Variants in C4orf50 observed in about 807,000 individuals in gnomAD.
C4orf50 encodes the protein uncharacterized protein C4orf50.
A neutral mutation model predicts 77.2 loss-of-function variants in C4orf50; 80 were observed. The observed-to-expected ratio is 1.04, with a 90% CI of 0.87 to 1.25. The LOEUF is 1.25. Ranked by LOEUF, C4orf50 falls within the 50% of genes most tolerant of loss-of-function variation. The probability of loss-of-function intolerance (pLI) is 0.00; values close to 1 mark genes in which losing one functional copy is unlikely to be tolerated. For missense variants in C4orf50, 1,257 were observed against 1,152.9 expected (o/e 1.09, Z -1.31); for synonymous variants, 532 against 465.3 (o/e 1.14, Z -1.84).
At chr4:5,984,141 A>G (rs1371458534) in intron 28 of C4orf50, among the ~76,000 whole-genome samples, 1 of 152,270 alleles carries the variant, frequency 6.6e-6, no homozygotes, top group Non-Finnish European at 1.5e-5. Flanking sequence ...GTCTGAGGGC[A>G]AAACTTAAAT....
intron 7 of C4orf50, among the ~76,000 whole-genome samples, chr4:5,946,802 T>A (rs188924609): frequency 3.3e-5 from 5 of 152,272 alleles, no homozygotes; most frequent in Non-Finnish European, 7.3e-5. Context: ...CCCTCCTTTG[T>A]TCGGATGTGC....
At chr4:5,910,907 C>CTTTTTTTT (rs33913636) in intron 7 of C4orf50, among the ~76,000 whole-genome samples, 6 of 106,566 alleles carry the variant, frequency 5.6e-5, no homozygotes, top group Admixed American at 1.2e-4. Context: ...CCCTTTCTTT[C>CTTTTTTTT]TTTTTTTTTT....
chr4:5,996,229 C>T (rs559947896), intron 25 of C4orf50, among the ~76,000 whole-genome samples: 1 of 152,320 alleles, frequency 6.6e-6, no homozygotes, highest in East Asian at 1.9e-4. Flanking sequence ...TGACACCTGG[C>T]TGTCACATCC....
exon 28 of C4orf50, chr4:5,989,868 T>C: frequency 6.9e-7 from 1 of 1,450,052 alleles, no homozygotes; most frequent in Non-Finnish European, 9.1e-7. Flanking sequence ...CCTCTTCCTC[T>C]AGCCCTTTGT....
At chr4:5,977,421 G>T (rs537279260) in intron 29 of C4orf50, among the ~76,000 whole-genome samples, 1 of 152,294 alleles carries the variant, frequency 6.6e-6, no homozygotes, top group South Asian at 2.1e-4. Context: ...AAAAGGTCTT[G>T]CATCTTGCTT....
chr4:5,990,138 C>A (rs1177438728), exon 28 of C4orf50: 2 of 1,267,070 alleles, frequency 1.6e-6, no homozygotes, highest in East Asian at 2.9e-5. Context: ...CGGGACCCTC[C>A]TTTGATACTG....
intron 30 of C4orf50, among the ~76,000 whole-genome samples, chr4:5,974,614 C>T (rs1327900107): frequency 6.6e-6 from 1 of 152,094 alleles, no homozygotes; most frequent in African/African-American, 2.4e-5. Context: ...CTGCTGATGC[C>T]CAGCCCAGGG....
rs557197984 is a variant in C4orf50, at chr4:5,973,378, A to G, written c.4104+281T>C. 2.7e-3 allele frequency among the ~76,000 whole-genome samples: 404 copies of G among 152,364 alleles called. 3 individuals carry two copies. Among genetic ancestry groups the G allele is most frequent in the African/African-American group, 9.2e-3 (382 of 41,598 alleles). Reference sequence around the variant, plus strand: ...AGACCCATCCTGTGACACACACCCAATGAAGCTTGTATGACGCTGAATTAC... The same window carrying G: ...AGACCCATCCTGTGACACACACCCAGTGAAGCTTGTATGACGCTGAATTAC... On this transcript the variant is annotated intron_variant, in intron 31 of 33. Coordinates refer to ENST00000531445, the Ensembl canonical transcript of C4orf50.
At chr4:5,943,490 C>T (rs543987772) in intron 7 of C4orf50, among the ~76,000 whole-genome samples, 38 of 152,338 alleles carry the variant, frequency 2.5e-4, no homozygotes, top group African/African-American at 8.7e-4. Flanking sequence ...GAAAACCAGC[C>T]TCTCCCCTTC....
intron 31 of C4orf50, among the ~76,000 whole-genome samples, chr4:5,973,342 C>T (rs1210217461): frequency 2.0e-5 from 3 of 152,214 alleles, no homozygotes; most frequent in Admixed American, 6.5e-5. Context: ...GTGCACAGGT[C>T]CCGGCACAAA....
At chr4:5,922,234 A>G (rs1717308626) in intron 7 of C4orf50, among the ~76,000 whole-genome samples, 1 of 152,226 alleles carries the variant, frequency 6.6e-6, no homozygotes, top group Non-Finnish European at 1.5e-5. Context: ...GATGCACGTG[A>G]CAGTGATGCA....
intron 33 of C4orf50, among the ~76,000 whole-genome samples, chr4:5,963,200 T>C (rs1192357988): frequency 6.6e-6 from 1 of 152,040 alleles, no homozygotes; most frequent in Non-Finnish European, 1.5e-5. Context: ...GGTTTCACCA[T>C]GTTGGCCAGC....
Position 5,983,032 on chromosome 4 carries a change from C to T in C4orf50, c.3700-2694G>A, listed in dbSNP as rs529891625. Among the ~76,000 whole-genome samples the T allele has an allele frequency of 7.2e-5, 11 of 152,230 alleles. No homozygotes were observed. In the South Asian group the frequency reaches 1.5e-3, roughly 20 times the overall value. Reference sequence around the variant, plus strand: ...GCAGTAGGAAGCCACAGAGGGTTTTCGGTCAAAGAGTAATACATCAGGTGT... The same window carrying T: ...GCAGTAGGAAGCCACAGAGGGTTTTTGGTCAAAGAGTAATACATCAGGTGT... On this transcript the variant is annotated intron_variant, in intron 28 of 33. Coordinates refer to ENST00000531445, the Ensembl canonical transcript of C4orf50.
chr4:5,965,211 G>A, intron 32 of C4orf50, 66 bp from the exon 11 acceptor site: 1 of 1,533,122 alleles, frequency 6.5e-7, no homozygotes. Flanking sequence ...ACAAGTGTCT[G>A]AGCCTTGTCA....
exon 28 of C4orf50, chr4:5,989,996 T>C (rs1721164143): frequency 1.4e-6 from 2 of 1,405,432 alleles, no homozygotes; most frequent in Admixed American, 5.9e-5. Flanking sequence ...TGACTGTCTG[T>C]TGGCCATGGC....
chr4:5,965,716 A>G (rs1046279253), intron 32 of C4orf50, among the ~76,000 whole-genome samples: 7 of 152,174 alleles, frequency 4.6e-5, no homozygotes, highest in African/African-American at 1.4e-4. Flanking sequence ...GCAGAGAAGG[A>G]CAGGCCCATC....
At chr4:5,944,379 G>C (rs1011136995) in intron 7 of C4orf50, among the ~76,000 whole-genome samples, 12 of 152,054 alleles carry the variant, frequency 7.9e-5, no homozygotes, top group Admixed American at 2.6e-4. Flanking sequence ...TTCATTCTCT[G>C]CCCCCCAGGA....
chr4:5,950,363 C>T (rs954846234), intron 7 of C4orf50, among the ~76,000 whole-genome samples: 1 of 152,128 alleles, frequency 6.6e-6, no homozygotes, highest in African/African-American at 2.4e-5. Flanking sequence ...TCTAGCTTTA[C>T]TCTGAAATAA....
chr4:5,960,635 A>G (rs1719221167), intron 33 of C4orf50, among the ~76,000 whole-genome samples: 1 of 152,136 alleles, frequency 6.6e-6, no homozygotes, highest in East Asian at 1.9e-4. Context: ...TAAACTCAAT[A>G]TTATGCTGCA....
Sources: allele counts gnomAD v4.1 joint callset (sites outside exome capture counted in the v4.1 genomes callset), GRCh38; gene constraint gnomAD v4.1.1; transcripts MANE v1.5; gene names NCBI Gene and HGNC (gene_info 2026-07-23, HGNC 2026-07-21).